The following TSPEAR variants were observed in gnomAD, a reference collection of about 807,000 sequenced individuals.
The protein encoded by TSPEAR is thrombospondin-type laminin G domain and EAR repeat-containing protein.
In TSPEAR, 69 loss-of-function variants were observed where a neutral mutation model predicts 71.6. That is an observed-to-expected ratio of 0.96 (90% CI 0.79 to 1.18). TSPEAR has a LOEUF of 1.18. Among genes scored for constraint, TSPEAR ranks in the 50% most tolerant of loss-of-function variants. TSPEAR has a pLI of 0.00. For missense variants in TSPEAR, 971 were observed against 894.9 expected, an observed-to-expected ratio of 1.09 and a Z score of -1.09; for synonymous variants, 402 against 387.2, an observed-to-expected ratio of 1.04 and a Z score of -0.45.
At chr21:44,654,226 C>A (rs782267539) in intron 1 of TSPEAR, 1 of 1,468,016 alleles carries the variant, frequency 6.8e-7, no homozygotes, top group South Asian at 1.2e-5. Flanking sequence ...GTTCAGAGAG[C>A]CTGCTGGCTT....
intron 9 of TSPEAR, among the ~76,000 whole-genome samples, chr21:44,510,089 C>A (rs782552837): frequency 3.0e-4 from 46 of 152,310 alleles, no homozygotes; most frequent in African/African-American, 1.0e-3. Flanking sequence ...GGGCTGCACA[C>A]GGAGGCCCAA....
chr21:44,656,334 C>T (rs1463483050), intron 1 of TSPEAR, among the ~76,000 whole-genome samples: 9 of 152,254 alleles, frequency 5.9e-5, no homozygotes, highest in African/African-American at 1.7e-4. Context: ...AAAGGACATC[C>T]GTGCACGTCA....
intron 1 of TSPEAR, chr21:44,601,455 C>T (rs437149): frequency 0.086 from 138,769 of 1,613,468 alleles, 11,271 homozygotes; most frequent in African/African-American, 0.41. Context: ...GCTGTGTGCC[C>T]GTCTGCTCTG....
intron 2 of TSPEAR, among the ~76,000 whole-genome samples, chr21:44,540,446 G>C (rs1256983834): frequency 6.6e-6 from 1 of 152,158 alleles, no homozygotes; most frequent in South Asian, 2.1e-4. Flanking sequence ...CAAGAGTGGA[G>C]GTGGACCTGG....
At chr21:44,676,341 T>G (rs587657810) in intron 1 of TSPEAR, 12 of 1,157,120 alleles carry the variant, frequency 1.0e-5, no homozygotes, top group Non-Finnish European at 1.4e-5. Flanking sequence ...AACAGTTGGC[T>G]TTGATGGCCT....
chr21:44,635,067 G>A (rs919495938), intron 1 of TSPEAR, among the ~76,000 whole-genome samples: 1 of 152,118 alleles, frequency 6.6e-6, no homozygotes, highest in Non-Finnish European at 1.5e-5. Context: ...TTATAGGGCC[G>A]GGCGCAGTGG....
intron 1 of TSPEAR, among the ~76,000 whole-genome samples, chr21:44,651,042 A>G (rs28444901): frequency 0.2 from 30,354 of 152,156 alleles, 3,159 homozygotes; most frequent in African/African-American, 0.24. Context: ...TCTGCAGTAG[A>G]ACCTGGGGAG....
intron 1 of TSPEAR, among the ~76,000 whole-genome samples, chr21:44,662,182 C>A (rs1985531408): frequency 6.6e-6 from 1 of 151,734 alleles, no homozygotes; most frequent in African/African-American, 2.4e-5. Context: ...ACACCAAAAC[C>A]AAAAAACAGA....
Position 44,550,795 on chromosome 21 carries a change from A to T in TSPEAR, c.304-16872T>A, listed in dbSNP as rs200899014. 83 of 1,612,370 alleles carry T rather than the reference A, an allele frequency of 5.1e-5. No homozygotes were observed. Among genetic ancestry groups the T allele is most frequent in the East Asian group, 4.5e-5 (2 of 44,774 alleles). Reference sequence around the variant, plus strand: ...GAGGAGGAGGGTCTGCAGCAGGAGGAGGTGCAGCAAGCTGGCTGGCAGCTA... The same window carrying T: ...GAGGAGGAGGGTCTGCAGCAGGAGGTGGTGCAGCAAGCTGGCTGGCAGCTA... On this transcript the variant is annotated intron_variant, in intron 2 of 11. Coordinates refer to ENST00000323084, the MANE Select transcript of TSPEAR (RefSeq NM_144991.3).
At position 44,520,741 on chromosome 21, in the gene TSPEAR, T is replaced by A. The variant is rs2052718243; in HGVS notation, c.1566+1142A>T. 1 of 152,256 alleles carries A rather than the reference T, an allele frequency of 6.6e-6. No individual in the cohort carries two copies. The highest frequency in any genetic ancestry group is 6.5e-5 in the Admixed American group (1 of 15,288). 9.4% of individuals were successfully genotyped at this position (152,256 alleles called of 1,614,324 possible). A position where few individuals can be genotyped will look rare whatever the true frequency, so the allele number is the denominator to read the frequency against. On this transcript the variant is annotated intron_variant, in intron 9 of 11. Coordinates refer to ENST00000323084, the MANE Select transcript of TSPEAR (RefSeq NM_144991.3). This position sits in a 1 kb window ranked among gnomAD's most constrained non-coding sequence, Gnocchi z 4.2. ...CATTCCCATGTGCTACCTGCAGGCT[T>A]GCTCTAATGAGATGTATGTATGGAA...
chr21:44,518,598 GA>G, intron 9 of TSPEAR: 1 of 465,890 alleles, frequency 2.1e-6, no homozygotes, highest in Admixed American at 2.4e-5. Context: ...TAGTTGACGA[GA>G]AAGTCACTTG....
intron 1 of TSPEAR, among the ~76,000 whole-genome samples, chr21:44,583,188 G>GC (rs782722074): frequency 0.95 from 143,778 of 152,128 alleles, 68,091 homozygotes; most frequent in Non-Finnish European, 0.97. Flanking sequence ...GGGGATCTGA[G>GC]TGAGCTGAGC....
At position 44,704,249 on chromosome 21, in the gene TSPEAR, AC is replaced by A. The variant is rs146556832; in HGVS notation, c.82+7183del. On this transcript the variant is annotated intron_variant, in intron 1 of 11. Transcript: ENST00000323084. The stretch of plus-strand genomic sequence containing the variant: ...TGCCCCCTGCTTCCCTGGGTACCCC[AC>A]CCCCCCACCACTCTCCAGGGGTCCC... Among the ~76,000 whole-genome samples the A allele has an allele frequency of 1.2e-4, 18 of 147,156 alleles. No homozygotes were observed. In the East Asian group the frequency reaches 1.7e-3, roughly 14 times the overall value.
At chr21:44,641,526 G>A (rs978404608) in intron 1 of TSPEAR, among the ~76,000 whole-genome samples, 1 of 152,208 alleles carries the variant, frequency 6.6e-6, no homozygotes, top group Admixed American at 6.5e-5. Context: ...GAGACCCAGG[G>A]TCTGTGATCC....
intron 9 of TSPEAR, chr21:44,515,887 A>C (rs2052551047): frequency 6.6e-6 from 1 of 152,270 alleles, no homozygotes; most frequent in African/African-American, 2.4e-5. Flanking sequence ...CCATGAGTGA[A>C]GGGCTGAGAC....
chr21:44,510,207 C>CGGGGAA (rs1156850600), intron 9 of TSPEAR, among the ~76,000 whole-genome samples: 3 of 152,078 alleles, frequency 2.0e-5, no homozygotes, highest in Non-Finnish European at 2.9e-5. Context: ...TGGGGCTGCA[C>CGGGGAA]GGGGAAGGGG....
rs1984096181 is a variant in TSPEAR at position 44,642,896 on chromosome 21, C to T, written c.82+68537G>A. ...AAAAATGGAACTACCATGTGATGAGCAATCCCACTTCTGTGTATTTAAACA... is the reference window on the plus strand; with the variant it reads ...AAAAATGGAACTACCATGTGATGAGTAATCCCACTTCTGTGTATTTAAACA... On this transcript the variant is annotated intron_variant, in intron 1 of 11. Coordinates refer to ENST00000323084, the MANE Select transcript of TSPEAR (RefSeq NM_144991.3). This position sits in a 1 kb window ranked among gnomAD's most constrained non-coding sequence, Gnocchi z 4.1. Among the ~76,000 whole-genome samples, 1 of 152,100 alleles carries T rather than the reference C, an allele frequency of 6.6e-6. No homozygotes were observed. The highest frequency in any genetic ancestry group is 2.4e-5 in the African/African-American group (1 of 41,412).
chr21:44,512,934 C>T (rs2052435040), intron 9 of TSPEAR, among the ~76,000 whole-genome samples: 1 of 152,182 alleles, frequency 6.6e-6, no homozygotes, highest in Non-Finnish European at 1.5e-5. Flanking sequence ...TCAGAGGCTG[C>T]TCAAGTCACC....
chr21:44,611,167 T>TGAA (rs371903996), intron 1 of TSPEAR, among the ~76,000 whole-genome samples: 28 of 152,256 alleles, frequency 1.8e-4, no homozygotes, highest in African/African-American at 6.3e-4. Flanking sequence ...TTTTGAAATG[T>TGAA]GAAGACATAA....
Sources: gnomAD v4.1 joint callset for allele counts (sites outside exome capture counted in the v4.1 genomes callset) on GRCh38, gnomAD v4.1.1 for gene constraint, Gnocchi (gnomAD v3.1) non-coding constraint, MANE v1.5 for transcripts, NCBI Gene and HGNC (gene_info 2026-07-23, HGNC 2026-07-21) for gene names.